Variants in PRKD3 observed in about 807,000 individuals in gnomAD.
The protein encoded by PRKD3 is serine/threonine-protein kinase D3.
PRKD3 carries 47 observed loss-of-function variants against 99.2 expected under a neutral mutation model. That is an observed-to-expected ratio of 0.47 (90% CI 0.38 to 0.60). The LOEUF is 0.60. Among genes scored for constraint, PRKD3 ranks in the 20% least tolerant of loss-of-function variants. PRKD3 has a pLI of 0.00. For missense variants in PRKD3, 1,019 were observed against 1,088.4 expected, an observed-to-expected ratio of 0.94 and a Z score of 0.90; for synonymous variants, 392 against 355.4, an observed-to-expected ratio of 1.10 and a Z score of -1.16.
rs12463662 is a variant in PRKD3 at position 37,306,620 on chromosome 2, G to A, written c.288+9617C>T. Among the ~76,000 whole-genome samples, 738 of 152,164 alleles carry A rather than the reference G, an allele frequency of 4.9e-3. 18 individuals carry two copies. Among genetic ancestry groups the A allele is most frequent in the Admixed American group, 0.046 (704 of 15,278 alleles). On this transcript the variant is annotated intron_variant, in intron 2 of 18. Coordinates refer to ENST00000234179, the MANE Select transcript of PRKD3 (RefSeq NM_005813.6). ...GCCCGAGAGTTCAAGACCAGCCTGG[G>A]CAACATGGTGAAACCCCATCTGTAC...
chr2:37,324,219 CAA>C (rs928208183), intron 1 of PRKD3: 4 of 985,398 alleles, frequency 4.1e-6, no homozygotes, highest in African/African-American at 1.7e-5. Flanking sequence ...GACTACAACG[CAA>C]AGTGAGGAAA....
chr2:37,320,604 G>C (rs1572711489), intron 1 of PRKD3, among the ~76,000 whole-genome samples: 1 of 151,538 alleles, frequency 6.6e-6, no homozygotes, highest in African/African-American at 2.4e-5. Flanking sequence ...GCTCATTTTT[G>C]GATTTTTAGT....
chr2:37,279,580 ATAATT>A (rs2148550850), intron 8 of PRKD3, among the ~76,000 whole-genome samples, 161 bp downstream of exon 8: 1 of 152,252 alleles, frequency 6.6e-6, no homozygotes, highest in Non-Finnish European at 1.5e-5. Context: ...CAAGGGTGAT[ATAATT>A]TATTTCAGAA....
At chr2:37,262,893 C>CT (rs1340553287) in intron 14 of PRKD3, among the ~76,000 whole-genome samples, 3 of 144,618 alleles carry the variant, frequency 2.1e-5, no homozygotes, top group Non-Finnish European at 4.5e-5. Context: ...CCTAAGATTC[C>CT]TTCCCCCCCC....
At chr2:37,312,681 T>C (rs962590864) in intron 2 of PRKD3, among the ~76,000 whole-genome samples, 1 of 152,220 alleles carries the variant, frequency 6.6e-6, no homozygotes. Context: ...TAACTACACG[T>C]GTTCAATAAC....
rs1202327030 is a variant in PRKD3 at position 37,250,883 on chromosome 2, T to C, written c.*2294A>G. ...AACACGACTTAAAGACAAAAAGTTA[T>C]GCAGGTTATACAGTATCTGGAATAA... is the stretch of plus-strand genomic sequence containing the variant. On this transcript the variant is annotated 3_prime_UTR_variant, in exon 19 of 19. Coordinates refer to ENST00000234179, the MANE Select transcript of PRKD3 (RefSeq NM_005813.6). The C allele has an allele frequency of 1.3e-5, 2 of 152,660 alleles. No homozygotes were observed. The highest frequency in any genetic ancestry group is 2.1e-4 in the South Asian group (1 of 4,830). 9.5% of individuals were successfully genotyped at this position (152,660 alleles called of 1,614,324 possible). A position where few individuals can be genotyped will look rare whatever the true frequency, so the allele number is the denominator to read the frequency against.
intron 12 of PRKD3, among the ~76,000 whole-genome samples, chr2:37,270,285 A>T (rs1572638819): frequency 8.4e-6 from 1 of 118,886 alleles, no homozygotes; most frequent in Non-Finnish European, 1.8e-5. Context: ...AAATCTACCT[A>T]AAAAAAATTA....
chr2:37,271,735 C>T (rs1669278510), intron 12 of PRKD3, among the ~76,000 whole-genome samples: 1 of 152,194 alleles, frequency 6.6e-6, no homozygotes, highest in Admixed American at 6.5e-5. Context: ...TGACACGGTT[C>T]ATTCCGAAAC....
At chr2:37,323,397 CCCA>C (rs1419078511) in intron 1 of PRKD3, among the ~76,000 whole-genome samples, 1 of 151,838 alleles carries the variant, frequency 6.6e-6, no homozygotes, top group African/African-American at 2.4e-5. Context: ...TGCACTCAGG[CCCA>C]CCACAACTGT....
At chr2:37,258,100 A>C (rs549829574) in intron 16 of PRKD3, among the ~76,000 whole-genome samples, 16 of 152,310 alleles carry the variant, frequency 1.1e-4, no homozygotes, top group Admixed American at 2.0e-4. Flanking sequence ...TTCTGGAGGA[A>C]ATGCTCTGAC....
At chr2:37,293,824 A>G (rs1670556568) in intron 2 of PRKD3, among the ~76,000 whole-genome samples, 1 of 152,208 alleles carries the variant, frequency 6.6e-6, no homozygotes, top group Admixed American at 6.5e-5. Flanking sequence ...TCGTTTACCT[A>G]TTTCATACTG....
At chr2:37,262,900 C>CG (rs539857323) in intron 14 of PRKD3, among the ~76,000 whole-genome samples, 3 of 147,608 alleles carry the variant, frequency 2.0e-5, no homozygotes, top group East Asian at 4.7e-4. Flanking sequence ...TTCCTTCCCC[C>CG]CCCCGTATTT....
chr2:37,296,796 A>T (rs1670693657), intron 2 of PRKD3, among the ~76,000 whole-genome samples: 1 of 150,652 alleles, frequency 6.6e-6, no homozygotes. Context: ...GCTACTCCGG[A>T]GACTGAGGCA....
intron 7 of PRKD3, among the ~76,000 whole-genome samples, 184 bp from the exon 8 acceptor site, chr2:37,280,113 C>T (rs1021332130): frequency 1.2e-4 from 18 of 146,614 alleles, no homozygotes; most frequent in African/African-American, 4.0e-4. Flanking sequence ...AGTGTGATCT[C>T]GGCTCACTGC....
chr2:37,271,430 G>A (rs1669256760), intron 12 of PRKD3, among the ~76,000 whole-genome samples: 1 of 152,164 alleles, frequency 6.6e-6, no homozygotes, highest in African/African-American at 2.4e-5. Context: ...AGCCATGCCT[G>A]TTCACTTATG....
intron 2 of PRKD3, among the ~76,000 whole-genome samples, chr2:37,310,279 G>C (rs2300881): frequency 0.18 from 27,282 of 152,154 alleles, 3,480 homozygotes; most frequent in East Asian, 0.55. Flanking sequence ...ACTAAGATCA[G>C]ATTAATACAT....
At chr2:37,266,282 T>C (rs1160075536) in intron 14 of PRKD3, among the ~76,000 whole-genome samples, 1 of 152,240 alleles carries the variant, frequency 6.6e-6, no homozygotes, top group Non-Finnish European at 1.5e-5. Context: ...AAGGAGGCTG[T>C]CTTGAATTTC....
At chr2:37,288,285 C>A (rs1206924239) in intron 5 of PRKD3, among the ~76,000 whole-genome samples, 2 of 152,148 alleles carry the variant, frequency 1.3e-5, no homozygotes, top group African/African-American at 4.8e-5. Flanking sequence ...TTTCCAGGCT[C>A]TTCTGTAGGT....
At chr2:37,310,827 G>A (rs1433057855) in intron 2 of PRKD3, among the ~76,000 whole-genome samples, 1 of 152,188 alleles carries the variant, frequency 6.6e-6, no homozygotes, top group African/African-American at 2.4e-5. Context: ...ATCAGAGATT[G>A]ATCAGCATTA....
Sources: gnomAD v4.1 joint callset for allele counts (sites outside exome capture counted in the v4.1 genomes callset) on GRCh38, gnomAD v4.1.1 for gene constraint, MANE v1.5 for transcripts, NCBI Gene and HGNC (gene_info 2026-07-23, HGNC 2026-07-21) for gene names.